Variants in PCDH15 observed in about 807,000 individuals in gnomAD.
PCDH15 encodes protocadherin related 15.
In PCDH15, 129 loss-of-function variants were observed where a neutral mutation model predicts 178.5. That is an observed-to-expected ratio of 0.72 (90% confidence interval 0.63 to 0.84). The LOEUF is 0.84. Among genes scored for constraint, PCDH15 ranks in the 40% least tolerant of loss-of-function variants. The pLI, the probability that PCDH15 is intolerant of heterozygous loss-of-function variation, is 0.00. For synonymous variants in PCDH15, 800 were observed against 732.0 expected (o/e 1.09, Z -1.50); for missense variants, 2,230 against 2,099.9 (o/e 1.06, Z -1.21).
chr10:54,299,207 C>CAGAGACAAAGAAGAAGTCAAAGAGTG (rs2059991692), intron 8 of PCDH15, among the ~76,000 whole-genome samples: 1 of 151,162 alleles, frequency 6.6e-6, no homozygotes. Flanking sequence ...GAGGAGGAGA[C>CAGAGACAAAGAAGAAGTCAAAGAGTG]AGAGAGAGGA....
chr10:55,313,442 G>A lies in PCDH15; in HGVS notation c.-156+6157C>T, dbSNP rs554899074. On this transcript the variant is annotated intron_variant, in intron 1 of 5. Transcript: ENST00000458638. ...AGTGCAACTGTGGAGAACTAACCTCGTAACAGAAAATTTTGTGTAAAGGTT... is the reference window on the plus strand; with the variant it reads ...AGTGCAACTGTGGAGAACTAACCTCATAACAGAAAATTTTGTGTAAAGGTT... Among the ~76,000 whole-genome samples, 94 of 152,192 alleles carry A rather than the reference G, an allele frequency of 6.2e-4. 2 individuals are homozygous for A. The South Asian group carries it at 0.018, about 30-fold the overall frequency.
At chr10:53,986,624 A>G (rs2091121423) in intron 21 of PCDH15, among the ~76,000 whole-genome samples, 1 of 152,240 alleles carries the variant, frequency 6.6e-6, no homozygotes, top group African/African-American at 2.4e-5. Context: ...GTATATGCAT[A>G]CAAGTGAACA....
intron 3 of PCDH15, among the ~76,000 whole-genome samples, chr10:54,427,768 C>T (rs919452678): frequency 5.9e-5 from 9 of 152,058 alleles, no homozygotes; most frequent in African/African-American, 1.9e-4. Flanking sequence ...TGTAAAGGTA[C>T]ACATTTATAT....
At chr10:54,216,724 G>A (rs2052111161) in intron 9 of PCDH15, among the ~76,000 whole-genome samples, 1 of 152,028 alleles carries the variant, frequency 6.6e-6, no homozygotes, top group Non-Finnish European at 1.5e-5. Context: ...AATTTATGAA[G>A]GAGAGTATGA....
At chr10:54,179,724 G>T (rs2047799504) in intron 13 of PCDH15, among the ~76,000 whole-genome samples, 1 of 152,118 alleles carries the variant, frequency 6.6e-6, no homozygotes, top group African/African-American at 2.4e-5. Context: ...CGTTATGGGT[G>T]GCCAAATCAT....
chr10:54,203,076 C>T (rs2050419543), intron 10 of PCDH15, among the ~76,000 whole-genome samples: 1 of 152,074 alleles, frequency 6.6e-6, no homozygotes, highest in Non-Finnish European at 1.5e-5. Flanking sequence ...AATGGATAGT[C>T]CTTATAATCT....
At chr10:54,728,418 G>T (rs1211897398) in intron 1 of PCDH15, among the ~76,000 whole-genome samples, 1 of 151,220 alleles carries the variant, frequency 6.6e-6, no homozygotes, top group African/African-American at 2.4e-5. Context: ...GAACAAAGAA[G>T]ACATCATTTT....
intron 2 of PCDH15, among the ~76,000 whole-genome samples, chr10:54,974,057 TCACA>T (rs3072796): frequency 0.013 from 1,326 of 99,686 alleles, 17 homozygotes; most frequent in African/African-American, 0.042. Flanking sequence ...TCTCTCTCTC[TCACA>T]CACACACACA....
intron 2 of PCDH15, among the ~76,000 whole-genome samples, chr10:55,049,091 A>G (rs1841088419): frequency 6.6e-6 from 1 of 151,980 alleles, no homozygotes; most frequent in Admixed American, 6.6e-5. Context: ...CAGGGTGAGT[A>G]CAAATGATCA....
chr10:55,164,870 C>T (rs1839156173), intron 2 of PCDH15, among the ~76,000 whole-genome samples: 1 of 152,012 alleles, frequency 6.6e-6, no homozygotes, highest in African/African-American at 2.4e-5. Flanking sequence ...AGAGTACTTA[C>T]CCTAATCCTT....
chr10:55,597,013 C>T (rs1842948690), intron 2 of PCDH15: 1 of 152,066 alleles, frequency 6.6e-6, no homozygotes, highest in Non-Finnish European at 1.5e-5. Flanking sequence ...ATTTGCAAAC[C>T]TTATATCTCA....
intron 2 of PCDH15, among the ~76,000 whole-genome samples, chr10:54,556,117 A>T (rs558931552): frequency 3.9e-5 from 6 of 152,318 alleles, no homozygotes; most frequent in African/African-American, 1.4e-4. Context: ...TATAAATAAA[A>T]TATTTAGCCC....
chr10:55,531,680 G>C (rs1269150228), intron 2 of PCDH15, among the ~76,000 whole-genome samples: 1 of 152,018 alleles, frequency 6.6e-6, no homozygotes, highest in Admixed American at 6.6e-5. Flanking sequence ...TTATTGTGCA[G>C]GAATTGTTTC....
intron 2 of PCDH15, among the ~76,000 whole-genome samples, chr10:55,089,353 A>T (rs1178915694): frequency 6.6e-6 from 1 of 152,062 alleles, no homozygotes; most frequent in Admixed American, 6.6e-5. Flanking sequence ...GAAGTTGAAT[A>T]ATACTAAGTA....
intron 26 of PCDH15, among the ~76,000 whole-genome samples, chr10:53,877,282 T>C (rs1469806059): frequency 6.6e-6 from 1 of 152,180 alleles, no homozygotes; most frequent in Non-Finnish European, 1.5e-5. Context: ...AAATAAACTC[T>C]GAGCTAATTG....
intron 8 of PCDH15, among the ~76,000 whole-genome samples, chr10:54,302,114 G>A (rs2060182885): frequency 6.6e-6 from 1 of 152,088 alleles, no homozygotes; most frequent in Admixed American, 6.6e-5. Flanking sequence ...TAACTGCATA[G>A]ATAATAATGA....
chr10:55,593,936 T>C (rs1589163864), intron 2 of PCDH15, among the ~76,000 whole-genome samples: 1 of 151,914 alleles, frequency 6.6e-6, no homozygotes, highest in Non-Finnish European at 1.5e-5. Flanking sequence ...TTTCTATACA[T>C]GTATTTAGTA....
chr10:54,965,712 T>C (rs1838768863), intron 2 of PCDH15, among the ~76,000 whole-genome samples: 1 of 150,440 alleles, frequency 6.6e-6, no homozygotes, highest in South Asian at 2.1e-4. Flanking sequence ...AAAACCACAT[T>C]TAATTTGAAA....
intron 3 of PCDH15, among the ~76,000 whole-genome samples, chr10:54,439,229 C>T (rs924953745): frequency 5.3e-5 from 8 of 151,918 alleles, no homozygotes; most frequent in African/African-American, 1.9e-4. Flanking sequence ...TGTTAGTTGA[C>T]ATGTGGCTAA....
Sources: gnomAD v4.1 joint callset for allele counts (sites outside exome capture counted in the v4.1 genomes callset) on GRCh38, gnomAD v4.1.1 for gene constraint, MANE v1.5 for transcripts, NCBI Gene and HGNC (gene_info 2026-07-23, HGNC 2026-07-21) for gene names.